CADM1: variants seen among roughly 807,000 people sequenced by gnomAD.
CADM1 encodes cell adhesion molecule 1, also known as TSLC-1.
CADM1 carries 15 observed loss-of-function variants against 53.1 expected under a neutral mutation model. The observed-to-expected ratio is 0.28, with a 90% CI of 0.19 to 0.44. The LOEUF (loss-of-function observed/expected upper bound fraction) is 0.44, where lower values mean the gene tolerates loss of function less well. Among genes scored for constraint, CADM1 ranks in the 20% least tolerant of loss-of-function variants. The probability of loss-of-function intolerance (pLI) is 1.00; values close to 1 mark genes in which losing one functional copy is unlikely to be tolerated. For missense variants in CADM1, 434 were observed against 611.3 expected, an observed-to-expected ratio of 0.71 and a Z score of 3.06; for synonymous variants, 281 against 243.0, an observed-to-expected ratio of 1.16 and a Z score of -1.45.
At position 115,348,123 on chromosome 11, in the gene CADM1, G is replaced by A. The variant is rs561872448; in HGVS notation, c.125-107703C>T. Among the ~76,000 whole-genome samples the A allele has an allele frequency of 8.5e-5, 13 of 152,232 alleles. No individual in the cohort carries two copies. In the South Asian group the frequency reaches 2.3e-3, roughly 27 times the overall value. ...CAGTGTGAGCGTTTGAGTAGTGCTT[G>A]CCTATTGAAAAGAGAAACCACACCA... On this transcript the variant is annotated intron_variant, in intron 1 of 11. Transcript: ENST00000331581.
chr11:115,346,467 A>G (rs1945580657), intron 1 of CADM1, among the ~76,000 whole-genome samples: 1 of 152,096 alleles, frequency 6.6e-6, no homozygotes, highest in Non-Finnish European at 1.5e-5. Context: ...TCCTGGCCTT[A>G]AGCTATCCTC....
At chr11:115,355,157 A>C (rs1945831575) in intron 1 of CADM1, among the ~76,000 whole-genome samples, 1 of 152,228 alleles carries the variant, frequency 6.6e-6, no homozygotes, top group Non-Finnish European at 1.5e-5. Flanking sequence ...TCATGCACGC[A>C]TATGTTCACT....
intron 1 of CADM1, among the ~76,000 whole-genome samples, chr11:115,335,560 T>C (rs988774116): frequency 6.6e-6 from 1 of 152,160 alleles, no homozygotes; most frequent in South Asian, 2.1e-4. Context: ...TGGTGGCTTC[T>C]TCATGGTTAA....
intron 1 of CADM1, among the ~76,000 whole-genome samples, chr11:115,243,841 A>G (rs1309104037): frequency 6.6e-6 from 1 of 152,238 alleles, no homozygotes; most frequent in Non-Finnish European, 1.5e-5. Flanking sequence ...CAATTAGCAG[A>G]TATAATGTCA....
At chr11:115,386,634 A>C (rs1235270441) in intron 1 of CADM1, among the ~76,000 whole-genome samples, 1 of 152,180 alleles carries the variant, frequency 6.6e-6, no homozygotes, top group African/African-American at 2.4e-5. Flanking sequence ...CACCAGTTCT[A>C]CACTTCTATT....
chr11:115,429,929 C>G (rs1005059685), intron 1 of CADM1, among the ~76,000 whole-genome samples: 20 of 151,902 alleles, frequency 1.3e-4, no homozygotes, highest in South Asian at 8.3e-4. Context: ...ATGAGTGTTA[C>G]AAATAAGATG....
Position 115,443,892 on chromosome 11 carries a change from G to A in CADM1, c.124+60379C>T, listed in dbSNP as rs1220288864. On this transcript the variant is annotated intron_variant, in intron 1 of 11. Transcript: ENST00000331581. ...AACGGACAAACTGCTATGGGAGCAC[G>A]ACTTTTGGGGATACCCAACTTTTTC... 4.6e-5 allele frequency among the ~76,000 whole-genome samples: 7 copies of A among 152,286 alleles called. No homozygotes were observed. In the East Asian group the frequency reaches 9.7e-4, roughly 21 times the overall value.
At chr11:115,215,343 C>T (rs1941134952) in intron 6 of CADM1, among the ~76,000 whole-genome samples, 1 of 152,174 alleles carries the variant, frequency 6.6e-6, no homozygotes, top group African/African-American at 2.4e-5. Flanking sequence ...TTCCTCTTCC[C>T]TTTAACCCCT....
chr11:115,360,426 G>A (rs905718233), intron 1 of CADM1, among the ~76,000 whole-genome samples: 5 of 152,194 alleles, frequency 3.3e-5, no homozygotes, highest in Non-Finnish European at 7.3e-5. Context: ...TACATGAACA[G>A]CATCAAATGG....
intron 1 of CADM1, among the ~76,000 whole-genome samples, chr11:115,393,904 A>T (rs1217912000): frequency 6.6e-6 from 1 of 152,200 alleles, no homozygotes; most frequent in African/African-American, 2.4e-5. Flanking sequence ...GACCACGGTA[A>T]TAAATCATCT....
intron 1 of CADM1, among the ~76,000 whole-genome samples, chr11:115,503,020 G>A (rs1196583425): frequency 6.6e-6 from 1 of 152,152 alleles, no homozygotes; most frequent in Admixed American, 6.5e-5. Flanking sequence ...TCAGAGCCCT[G>A]CTGCATCCCC....
intron 1 of CADM1, among the ~76,000 whole-genome samples, chr11:115,314,677 C>A (rs1944615666): frequency 6.6e-6 from 1 of 152,172 alleles, no homozygotes; most frequent in Admixed American, 6.6e-5. Flanking sequence ...TGTGCTCAGA[C>A]ACTCTTAAAA....
In CADM1 at chr11:115,288,424, G is replaced by A. The variant is rs527803260; in HGVS notation, c.125-48004C>T. 5.9e-5 allele frequency among the ~76,000 whole-genome samples: 9 copies of A among 151,562 alleles called. No homozygotes were observed. The East Asian group carries it at 1.6e-3, about 26-fold the overall frequency. On this transcript the variant is annotated intron_variant, in intron 1 of 11. Coordinates refer to ENST00000331581, the MANE Select transcript of CADM1 (RefSeq NM_001301043.2). ...TTTTATGAAATCAACAATCACCTTC[G>A]GGATTTAAAAAAATACAGCATCACA...
At chr11:115,228,132 C>A (rs561243648) in intron 5 of CADM1, among the ~76,000 whole-genome samples, 2 of 152,144 alleles carry the variant, frequency 1.3e-5, no homozygotes, top group African/African-American at 4.8e-5. Flanking sequence ...CAAGTTAAGG[C>A]GCTCCTGGGA....
chr11:115,178,502 T>C, intron 11 of CADM1, 142 bp downstream of exon 11: 1 of 656,622 alleles, frequency 1.5e-6, no homozygotes, highest in Non-Finnish European at 2.7e-6. Context: ...TTTTTTTTTC[T>C]CTTCTCTCTC....
intron 5 of CADM1, among the ~76,000 whole-genome samples, chr11:115,228,177 C>T (rs1016774888): frequency 6.6e-6 from 1 of 152,200 alleles, no homozygotes; most frequent in African/African-American, 2.4e-5. Flanking sequence ...AACGATCCAT[C>T]CCTACAGTCT....
At chr11:115,382,226 T>C (rs1157252060) in intron 1 of CADM1, among the ~76,000 whole-genome samples, 3 of 152,192 alleles carry the variant, frequency 2.0e-5, no homozygotes, top group African/African-American at 7.2e-5. Context: ...TGGCTAATAC[T>C]GATTTGCATG....
intron 1 of CADM1, among the ~76,000 whole-genome samples, chr11:115,272,356 T>G (rs1427511919): frequency 6.6e-6 from 1 of 152,216 alleles, no homozygotes; most frequent in African/African-American, 2.4e-5. Flanking sequence ...ACAGATTTTT[T>G]TTTTGCTTAT....
chr11:115,238,912 G>A (rs1015602942), intron 2 of CADM1, among the ~76,000 whole-genome samples: 5 of 151,682 alleles, frequency 3.3e-5, no homozygotes, highest in Non-Finnish European at 4.4e-5. Context: ...ACCCAGCTAC[G>A]CACCCTTCTA....
Sources: gnomAD v4.1 joint callset for allele counts (sites outside exome capture counted in the v4.1 genomes callset) on GRCh38, gnomAD v4.1.1 for gene constraint, MANE v1.5 for transcripts, NCBI Gene and HGNC (gene_info 2026-07-23, HGNC 2026-07-21) for gene names.